The following PKD1L1 variants were observed in gnomAD, a reference collection of about 807,000 sequenced individuals.
PKD1L1 encodes the protein polycystin 1 like 1, transient receptor potential channel interacting, also known as polycystin-1-like protein 1.
In PKD1L1, 236 loss-of-function variants were observed where a neutral mutation model predicts 323.4. That is an observed-to-expected ratio of 0.73 (90% CI 0.66 to 0.81). PKD1L1 has a LOEUF of 0.81. PKD1L1 is among the 40% of genes least tolerant of loss of function. The pLI, the probability that PKD1L1 is intolerant of heterozygous loss-of-function variation, is 0.00. For synonymous variants in PKD1L1, 1,344 were observed against 1,335.0 expected (o/e 1.01, Z -0.15); for missense variants, 3,320 against 3,508.0 (o/e 0.95, Z 1.35).
intron 7 of PKD1L1, among the ~76,000 whole-genome samples, chr7:47,927,773 T>C (rs2128754888): frequency 6.6e-6 from 1 of 152,284 alleles, no homozygotes; most frequent in South Asian, 2.1e-4. Flanking sequence ...AGGACAAGAG[T>C]CCTAATTAAA....
At chr7:47,889,324 T>C (rs149694309) in intron 16 of PKD1L1, among the ~76,000 whole-genome samples, 2 of 152,352 alleles carry the variant, frequency 1.3e-5, no homozygotes, top group East Asian at 1.9e-4. Context: ...CAGAGGTATA[T>C]AGTACATTAT....
intron 2 of PKD1L1, among the ~76,000 whole-genome samples, chr7:47,942,831 G>A (rs1053892279): frequency 1.3e-5 from 2 of 152,012 alleles, no homozygotes; most frequent in Non-Finnish European, 1.5e-5. Context: ...GTCAGGGGTG[G>A]GGCCCAGTGA....
intron 4 of PKD1L1, among the ~76,000 whole-genome samples, chr7:47,936,544 G>T (rs570799011): frequency 6.6e-6 from 1 of 152,204 alleles, no homozygotes; most frequent in Non-Finnish European, 1.5e-5. Flanking sequence ...TTGAGTGCTT[G>T]TACCCAGAAG....
chr7:47,831,397 G>A (rs1331290642), intron 41 of PKD1L1, 45 bp from the exon 42 acceptor site: 8 of 1,575,224 alleles, frequency 5.1e-6, no homozygotes, highest in African/African-American at 1.4e-5. Context: ...AGAGACCTCG[G>A]CATCTCCATC....
intron 18 of PKD1L1, among the ~76,000 whole-genome samples, 193 bp from the exon 19 acceptor site, chr7:47,884,850 T>G (rs970606429): frequency 6.6e-6 from 1 of 152,060 alleles, no homozygotes; most frequent in Non-Finnish European, 1.5e-5. Context: ...CAGGTTTCAT[T>G]GCCCCGGGGC....
chr7:47,908,635 C>T (rs965274151), intron 8 of PKD1L1, among the ~76,000 whole-genome samples: 3 of 152,190 alleles, frequency 2.0e-5, no homozygotes, highest in African/African-American at 7.2e-5. Flanking sequence ...AATACTTAAA[C>T]AGCCAAATGG....
At chr7:47,959,886 A>G in the PKD1L1 span, among the ~76,000 whole-genome samples, 20 of 151,522 alleles carry the variant, frequency 1.3e-4, no homozygotes, top group Admixed American at 1.0e-3. Flanking sequence ...CAGCTCATTG[A>G]GAACGGGCCA....
intron 40 of PKD1L1, among the ~76,000 whole-genome samples, chr7:47,833,602 C>T (rs778381354): frequency 3.3e-5 from 5 of 152,052 alleles, no homozygotes; most frequent in Non-Finnish European, 5.9e-5. Flanking sequence ...GTGGGGAGGG[C>T]GCAGAGCTCC....
the PKD1L1 span, among the ~76,000 whole-genome samples, chr7:47,960,593 C>G: frequency 6.6e-6 from 1 of 150,758 alleles, no homozygotes; most frequent in Non-Finnish European, 1.5e-5. Flanking sequence ...TTGCCTTTAA[C>G]TAGAGTGTGT....
At chr7:47,895,618 A>G (rs1005151722) in intron 14 of PKD1L1, among the ~76,000 whole-genome samples, 4 of 152,190 alleles carry the variant, frequency 2.6e-5, no homozygotes, top group Non-Finnish European at 5.9e-5. Context: ...AAGTAAACAT[A>G]TATATGTGCT....
chr7:47,834,956 T>A lies in PKD1L1; in HGVS notation c.6127+11A>T. On this transcript the variant is annotated intron_variant, in intron 39 of 56. Coordinates refer to ENST00000289672, the MANE Select transcript of PKD1L1 (RefSeq NM_138295.5). ...CACGGAGAGTTTCTGAGAGTTTTAA[T>A]GTACATTTACCATGGGGTGCCTCGG... The A allele has an allele frequency of 6.2e-7, 1 of 1,611,662 alleles. No individual in the cohort carries two copies. The highest frequency in any genetic ancestry group is 8.5e-7 in the Non-Finnish European group (1 of 1,178,114).
chr7:47,950,757 T>A (rs1012020084), upstream of PKD1L1, among the ~76,000 whole-genome samples: 1 of 152,148 alleles, frequency 6.6e-6, no homozygotes, highest in African/African-American at 2.4e-5. Flanking sequence ...TTAGCCATAT[T>A]TCAAGGGCTC....
chr7:47,892,499 T>A (rs1786842613), intron 15 of PKD1L1, among the ~76,000 whole-genome samples: 2 of 151,806 alleles, frequency 1.3e-5, no homozygotes, highest in Non-Finnish European at 2.9e-5. Context: ...TGCTGGAGGG[T>A]CAAACTGTGA....
chr7:47,837,231 C>T, intron 36 of PKD1L1, 137 bp from the exon 37 acceptor site: 1 of 978,314 alleles, frequency 1.0e-6, no homozygotes, highest in Admixed American at 2.2e-5. Flanking sequence ...TAGCTGTGTA[C>T]CAGGTGGGCT....
upstream of PKD1L1, among the ~76,000 whole-genome samples, chr7:47,950,453 T>C (rs1353968713): frequency 1.3e-5 from 2 of 150,806 alleles, no homozygotes; most frequent in East Asian, 1.9e-4. Flanking sequence ...GGCACTCTCA[T>C]AGCCACTCTC....
chr7:47,943,380 T>A lies in PKD1L1; in HGVS notation c.160+16A>T. On this transcript the variant is annotated intron_variant, in intron 2 of 56. Coordinates refer to ENST00000289672, the MANE Select transcript of PKD1L1 (RefSeq NM_138295.5). ...TTCTTATCATGGTGGCCATGCCTCC[T>A]TCCCCAAGGCCTTACCGACCCACAA... The A allele has an allele frequency of 6.3e-7, 1 of 1,597,822 alleles. No individual in the cohort carries two copies. The highest frequency in any genetic ancestry group is 8.6e-7 in the Non-Finnish European group (1 of 1,166,694).
intron 19 of PKD1L1, among the ~76,000 whole-genome samples, chr7:47,884,298 G>A (rs1451221279): frequency 2.0e-5 from 3 of 152,170 alleles, no homozygotes; most frequent in African/African-American, 7.2e-5. Context: ...GAAGGACGTG[G>A]AGGAAGGCAT....
chr7:47,923,945 CTT>C (rs200401688), intron 7 of PKD1L1, among the ~76,000 whole-genome samples: 1 of 148,226 alleles, frequency 6.7e-6, no homozygotes, highest in Non-Finnish European at 1.5e-5. Flanking sequence ...ATCAACAACT[CTT>C]TTTTTTTTAA....
At chr7:47,788,744 C>T (rs994148080) in intron 56 of PKD1L1, among the ~76,000 whole-genome samples, 13 of 151,302 alleles carry the variant, frequency 8.6e-5, no homozygotes, top group South Asian at 4.2e-4. Flanking sequence ...TACAGGTGCC[C>T]GCCACCACAC....
Sources: gnomAD v4.1 joint callset for allele counts (sites outside exome capture counted in the v4.1 genomes callset) on GRCh38, gnomAD v4.1.1 for gene constraint, MANE v1.5 for transcripts, NCBI Gene and HGNC (gene_info 2026-07-23, HGNC 2026-07-21) for gene names.